Variants in LDB2 observed in about 807,000 individuals in gnomAD.
LDB2 encodes LIM domain binding 2.
LDB2 carries 12 observed loss-of-function variants against 44.3 expected under a neutral mutation model. The observed-to-expected ratio is 0.27, with a 90% CI of 0.17 to 0.44. The LOEUF is 0.44. LDB2 is among the 20% of genes least tolerant of loss of function. The pLI, the probability that LDB2 is intolerant of heterozygous loss-of-function variation, is 1.00. For missense variants in LDB2, 344 were observed against 473.5 expected (o/e 0.73, Z 2.54); for synonymous variants, 164 against 174.8 (o/e 0.94, Z 0.49).
At chr4:16,754,521 C>A (rs1304836440) in intron 2 of LDB2, among the ~76,000 whole-genome samples, 1 of 150,974 alleles carries the variant, frequency 6.6e-6, no homozygotes, top group South Asian at 2.1e-4. Flanking sequence ...CCAGTGATGG[C>A]AGTATTTTTT....
intron 2 of LDB2, among the ~76,000 whole-genome samples, chr4:16,649,582 C>T (rs1203798768): frequency 6.6e-6 from 1 of 152,182 alleles, no homozygotes; most frequent in Non-Finnish European, 1.5e-5. Flanking sequence ...TTGGGAGCTA[C>T]CGCAGATCCA....
In LDB2 at chr4:16,611,290, C is replaced by T. The variant is rs1327257476; in HGVS notation, c.236-15415G>A. 2.0e-5 allele frequency among the ~76,000 whole-genome samples: 3 copies of T among 152,272 alleles called. No individual in the cohort carries two copies. The East Asian group carries it at 5.8e-4, about 29-fold the overall frequency. On this transcript the variant is annotated intron_variant, in intron 2 of 7. Coordinates refer to ENST00000304523, the MANE Select transcript of LDB2 (RefSeq NM_001290.5). ...CAACATATAAAGACCAATGACACTA[C>T]AAAGAAACTGCGTCAACTAGTGTGC...
chr4:16,853,093 A>C (rs1788606909), intron 1 of LDB2, among the ~76,000 whole-genome samples: 1 of 152,196 alleles, frequency 6.6e-6, no homozygotes, highest in Non-Finnish European at 1.5e-5. Context: ...TAAGCAATAC[A>C]AATGTCTCTT....
At chr4:16,858,666 G>T (rs1183933616) in intron 1 of LDB2, among the ~76,000 whole-genome samples, 1 of 152,194 alleles carries the variant, frequency 6.6e-6, no homozygotes, top group African/African-American at 2.4e-5. Context: ...GTAAGGTACA[G>T]GAAAAAGGTG....
intron 2 of LDB2, among the ~76,000 whole-genome samples, chr4:16,730,735 C>T (rs1201222819): frequency 1.3e-5 from 2 of 152,062 alleles, no homozygotes; most frequent in Admixed American, 6.6e-5. Context: ...CAAGGGCTGA[C>T]CCAATAGTTT....
intron 2 of LDB2, among the ~76,000 whole-genome samples, chr4:16,744,306 G>A (rs962820709): frequency 6.6e-6 from 1 of 151,624 alleles, no homozygotes; most frequent in African/African-American, 2.4e-5. Flanking sequence ...ACAGGCACCC[G>A]CCATCATGCC....
chr4:16,859,100 C>T (rs1398475669), intron 1 of LDB2, among the ~76,000 whole-genome samples: 1 of 152,100 alleles, frequency 6.6e-6, no homozygotes, highest in Middle Eastern at 3.2e-3. Context: ...CACTCCACAA[C>T]AGTTAATATT....
chr4:16,560,066 A>G (rs199629111), intron 5 of LDB2, among the ~76,000 whole-genome samples: 10,525 of 152,276 alleles, frequency 0.069, 480 homozygotes, highest in South Asian at 0.15. Context: ...CATTCAAAGC[A>G]GTGTGTAGAG....
At chr4:16,631,437 G>C (rs577867383) in intron 2 of LDB2, among the ~76,000 whole-genome samples, 1 of 152,170 alleles carries the variant, frequency 6.6e-6, no homozygotes, top group South Asian at 2.1e-4. Context: ...TTAAAGCAGT[G>C]TGTAGAGGGA....
At chr4:16,585,279 C>T (rs2152424494) in intron 5 of LDB2, among the ~76,000 whole-genome samples, 1 of 152,272 alleles carries the variant, frequency 6.6e-6, no homozygotes, top group Middle Eastern at 3.4e-3. Flanking sequence ...GAGCAGAGAC[C>T]AGTGGGCTCT....
intron 5 of LDB2, among the ~76,000 whole-genome samples, chr4:16,537,587 A>G (rs888372213): frequency 1.3e-5 from 2 of 152,190 alleles, no homozygotes; most frequent in Non-Finnish European, 2.9e-5. Context: ...TATCTTCTAC[A>G]GTTATCTGTG....
intron 1 of LDB2, among the ~76,000 whole-genome samples, chr4:16,785,877 T>C (rs1047296678): frequency 2.6e-5 from 4 of 152,138 alleles, no homozygotes; most frequent in Non-Finnish European, 5.9e-5. Context: ...GGTTAAAAAC[T>C]CTTATGACCC....
At chr4:16,870,428 G>A (rs1327524579) in intron 1 of LDB2, among the ~76,000 whole-genome samples, 1 of 145,156 alleles carries the variant, frequency 6.9e-6, no homozygotes, top group Non-Finnish European at 1.5e-5. Context: ...AGCTAATTAG[G>A]GGCTCTGCAA....
chr4:16,749,573 T>TA (rs1365546351), intron 2 of LDB2, among the ~76,000 whole-genome samples: 4 of 128,558 alleles, frequency 3.1e-5, no homozygotes, highest in East Asian at 2.5e-4. Context: ...AAAAAAAAAA[T>TA]AAAAAAATAA....
At chr4:16,811,540 G>A (rs903555608) in intron 1 of LDB2, among the ~76,000 whole-genome samples, 5 of 152,068 alleles carry the variant, frequency 3.3e-5, no homozygotes, top group Non-Finnish European at 4.4e-5. Flanking sequence ...TACTAGACCC[G>A]ATTTTCTACA....
intron 2 of LDB2, among the ~76,000 whole-genome samples, chr4:16,757,594 C>A (rs1766940419): frequency 1.3e-5 from 2 of 152,100 alleles, no homozygotes; most frequent in African/African-American, 2.4e-5. Context: ...GAACATAAAA[C>A]AATGATAACT....
At position 16,579,959 on chromosome 4, in the gene LDB2, G is replaced by A. The variant is rs565549026; in HGVS notation, c.615+5963C>T. On this transcript the variant is annotated intron_variant, in intron 5 of 7. Transcript: ENST00000304523. ...TGAGACTGTGCACAGAACTCCCAGAGCACTGGGGAGAGGCTCCTACCCCAG... is the reference window on the plus strand; with the variant it reads ...TGAGACTGTGCACAGAACTCCCAGAACACTGGGGAGAGGCTCCTACCCCAG... 2.6e-5 allele frequency among the ~76,000 whole-genome samples: 4 copies of A among 152,300 alleles called. No individual in the cohort carries two copies. The South Asian group carries it at 8.3e-4, about 32-fold the overall frequency.
In LDB2 at chr4:16,641,779, G is replaced by A. The variant is rs149761839; in HGVS notation, c.236-45904C>T. ...TGAGGGGGACACATATACAAACTAT[G>A]TCAGTAACTGTGTTGGGAAAGCAAG... is the stretch of plus-strand genomic sequence containing the variant. On this transcript the variant is annotated intron_variant, in intron 2 of 7. Coordinates refer to ENST00000304523, the MANE Select transcript of LDB2 (RefSeq NM_001290.5). Among the ~76,000 whole-genome samples the A allele has an allele frequency of 1.1e-3, 162 of 152,226 alleles. 1 individual carries two copies. The highest frequency in any genetic ancestry group is 3.8e-3 in the African/African-American group (156 of 41,560).
chr4:16,591,248 A>G (rs2152433066), intron 3 of LDB2, among the ~76,000 whole-genome samples: 1 of 152,310 alleles, frequency 6.6e-6, no homozygotes, highest in East Asian at 1.9e-4. Flanking sequence ...AGAATTTCAT[A>G]ATGAGAAGGC....
Sources: gnomAD v4.1 joint callset for allele counts (sites outside exome capture counted in the v4.1 genomes callset) on GRCh38, gnomAD v4.1.1 for gene constraint, MANE v1.5 for transcripts, NCBI Gene and HGNC (gene_info 2026-07-23, HGNC 2026-07-21) for gene names.